The following REXO1 variants were observed in gnomAD, a reference collection of about 807,000 sequenced individuals.
The protein encoded by REXO1 is REX1, RNA exonuclease 1 homolog.
In REXO1, 42 loss-of-function variants were observed where a neutral mutation model predicts 102.6. That is an observed-to-expected ratio of 0.41 (90% confidence interval 0.32 to 0.53). The LOEUF is 0.53. Among genes scored for constraint, REXO1 ranks in the 20% least tolerant of loss-of-function variants. REXO1 has a pLI of 0.27. For missense variants in REXO1, 1,819 were observed against 1,732.5 expected, an observed-to-expected ratio of 1.05 and a Z score of -0.89; for synonymous variants, 908 against 779.1, an observed-to-expected ratio of 1.17 and a Z score of -2.76.
chr19:1,825,156 C>T (rs1474613305), intron 3 of REXO1, among the ~76,000 whole-genome samples: 3 of 150,254 alleles, frequency 2.0e-5, no homozygotes, highest in African/African-American at 7.3e-5. Context: ...AAAAATTAGC[C>T]TGGTGTGGTG....
Position 1,826,974 on chromosome 19 carries a change from C to T in REXO1, c.1815G>A (p.Glu605=). ...ADVDYSALEK[E]VDFDSDPMEE... ...CCATGGGGTCGGAGTCAAAGTCCAC[C>T]TCCTTCTCCAGGGCCGAGTAGTCCA... The change falls in exon 2 of 16, where the codon GAG becomes GAA. Residue 605 remains glutamate (E), a synonymous_variant. Coordinates refer to ENST00000170168, the MANE Select transcript of REXO1 (RefSeq NM_020695.4). The surrounding 1 kb of genome is among the most constrained non-coding windows in gnomAD (Gnocchi z 4.3). 1 of 1,567,308 alleles carries T rather than the reference C, an allele frequency of 6.4e-7. No homozygotes were observed. The highest frequency in any genetic ancestry group is 8.6e-7 in the Non-Finnish European group (1 of 1,157,016).
chr19:1,817,683 G>A lies in REXO1; in HGVS notation c.3090+24C>T, dbSNP rs775797127. 3.0e-5 allele frequency: 49 copies of A among 1,607,338 alleles called. No homozygotes were observed. The East Asian group carries it at 8.7e-4, about 29-fold the overall frequency. Reference sequence around the variant, plus strand: ...CAGAAGTCTGTTGAGAACAGGCAGAGGGGACTGGGACGCCAGGGCTCACCT... The same window carrying A: ...CAGAAGTCTGTTGAGAACAGGCAGAAGGGACTGGGACGCCAGGGCTCACCT... On this transcript the variant is annotated intron_variant, in intron 11 of 15. Transcript: ENST00000170168.
At chr19:1,832,052 G>A (rs544860969) in intron 1 of REXO1, among the ~76,000 whole-genome samples, 1 of 152,214 alleles carries the variant, frequency 6.6e-6, no homozygotes, top group East Asian at 1.9e-4. Flanking sequence ...CCCTGAGGGT[G>A]GGTGAACATC....
Position 1,827,901 on chromosome 19 carries a change from G to A in REXO1, c.888C>T (p.Val296=), listed in dbSNP as rs891341826. 1 of 1,613,762 alleles carries A rather than the reference G, an allele frequency of 6.2e-7. No individual in the cohort carries two copies. Among genetic ancestry groups the A allele is most frequent in the Non-Finnish European group, 8.5e-7 (1 of 1,179,888 alleles). ...FSDSEDEAAT[V]PGNEPTTAST... is the part of the protein sequence containing the mutation. Reference sequence around the variant, plus strand: ...TGGCCGTGGTGGGCTCGTTACCTGGGACCGTGGCGGCCTCATCTTCTGAGT... The same window carrying A: ...TGGCCGTGGTGGGCTCGTTACCTGGAACCGTGGCGGCCTCATCTTCTGAGT... The change falls in exon 2 of 16, where the codon GTC becomes GTT. Residue 296 remains valine (V), a synonymous_variant. Coordinates refer to ENST00000170168, the MANE Select transcript of REXO1 (RefSeq NM_020695.4).
chr19:1,835,492 G>A (rs1018228867), intron 1 of REXO1, among the ~76,000 whole-genome samples: 1 of 152,184 alleles, frequency 6.6e-6, no homozygotes, highest in Non-Finnish European at 1.5e-5. Context: ...AGGTTGCAGT[G>A]AGCCGAGAAC....
At position 1,827,518 on chromosome 19, in the gene REXO1, C is replaced by T. The variant is rs371331432; in HGVS notation, c.1271G>A (p.Arg424Gln). 5.1e-5 allele frequency: 81 copies of T among 1,583,010 alleles called. No individual in the cohort carries two copies. In the African/African-American group the frequency reaches 5.6e-4, roughly 11 times the overall value. The change falls in exon 2 of 16, where the codon CGG becomes CAG. Residue 424 changes from arginine to glutamine, a missense_variant. By Grantham distance (43) the Arg-to-Gln change is conservative. Transcript: ENST00000170168. ...CCCTTCCGGCCGCTCTGCCTTGCGC[C>T]GGGGGCTGCTGGCCTGCGGGCCCTT... The part of the protein sequence containing the change: ...DKKGPQASSP[R>Q]RKAERPEGTK...
intron 1 of REXO1, among the ~76,000 whole-genome samples, chr19:1,828,888 G>A (rs1401154316): frequency 2.6e-5 from 4 of 152,248 alleles, no homozygotes; most frequent in African/African-American, 7.2e-5. Flanking sequence ...CAGCTCCCTG[G>A]GTACTGGAGG....
chr19:1,823,543 C>A, intron 4 of REXO1, 29 bp downstream of exon 4: 1 of 1,279,336 alleles, frequency 7.8e-7, no homozygotes, highest in Non-Finnish European at 1.0e-6. Flanking sequence ...CACGGCCCCC[C>A]GGCACAGGCC....
At chr19:1,838,463 A>C (rs1358808814) in intron 1 of REXO1, among the ~76,000 whole-genome samples, 1 of 151,760 alleles carries the variant, frequency 6.6e-6, no homozygotes, top group African/African-American at 2.4e-5. Context: ...TACTTAAAAA[A>C]ATACAAAATT....
At chr19:1,819,278 G>T in intron 7 of REXO1, 147 bp from the exon 8 acceptor site, 1 of 622,722 alleles carries the variant, frequency 1.6e-6, no homozygotes, top group Non-Finnish European at 2.7e-6. Context: ...CCGGGTTCCA[G>T]CCTGACCCGA....
chr19:1,829,397 C>T (rs2069843387), intron 1 of REXO1, among the ~76,000 whole-genome samples: 1 of 151,938 alleles, frequency 6.6e-6, no homozygotes, highest in Non-Finnish European at 1.5e-5. Flanking sequence ...CGCCATCACA[C>T]CCAGCTAATT....
At chr19:1,837,557 C>G (rs1263548848) in intron 1 of REXO1, among the ~76,000 whole-genome samples, 1 of 152,216 alleles carries the variant, frequency 6.6e-6, no homozygotes, top group East Asian at 1.9e-4. Flanking sequence ...TTCCAATACC[C>G]TCTCTGAAAT....
rs974999797 is a variant in REXO1, at chr19:1,834,267, C to T, written c.158-5636G>A. Among the ~76,000 whole-genome samples, 6 of 152,124 alleles carry T rather than the reference C, an allele frequency of 3.9e-5. No homozygotes were observed. The East Asian group carries it at 9.6e-4, about 24-fold the overall frequency. On this transcript the variant is annotated intron_variant, in intron 1 of 15. Coordinates refer to ENST00000170168, the MANE Select transcript of REXO1 (RefSeq NM_020695.4). ...ACATTGTGGACTCTGAAAGGAGAGA[C>T]CATTTCCCCAAAAGGTGCTTTTGGA...
rs532747686 is a variant in REXO1, at chr19:1,815,597, C to T, written c.*469G>A. On this transcript the variant is annotated 3_prime_UTR_variant, in exon 16 of 16. Coordinates refer to ENST00000170168, the MANE Select transcript of REXO1 (RefSeq NM_020695.4). This position sits in a 1 kb window ranked among gnomAD's most constrained non-coding sequence, Gnocchi z 4.0. ...GAGGGAAGGCAGCAGGCCCGCTCTT[C>T]CCGGTGGGAAAGATGCTGTGCAAGT... 4.3e-4 allele frequency: 416 copies of T among 963,942 alleles called. 7 individuals are homozygous for T. The African/African-American group carries it at 6.4e-3, about 15-fold the overall frequency. 59.7% of individuals were successfully genotyped at this position (963,942 alleles called of 1,614,324 possible). A position where few individuals can be genotyped will look rare whatever the true frequency, so the allele number is the denominator to read the frequency against.
intron 1 of REXO1, among the ~76,000 whole-genome samples, chr19:1,841,062 A>T (rs1347588480): frequency 6.6e-6 from 1 of 152,132 alleles, no homozygotes; most frequent in Non-Finnish European, 1.5e-5. Flanking sequence ...TAAGGGAGGG[A>T]TCGCCCCGAA....
In REXO1 at chr19:1,827,830, T is replaced by C. The variant is rs201378736; in HGVS notation, c.959A>G (p.Gln320Arg). ...RADPEIKATGQPPSKEGLEAE... is the reference protein window; with the variant it reads ...RADPEIKATGRPPSKEGLEAE... ...CTCCAGGCCCTCTTTGGAGGGTGGCTGCCCGGTGGCCTTGATCTCAGGGTC... is the reference window on the plus strand; with the variant it reads ...CTCCAGGCCCTCTTTGGAGGGTGGCCGCCCGGTGGCCTTGATCTCAGGGTC... The change falls in exon 2 of 16, where the codon CAG (glutamine) becomes CGG (arginine). Residue 320 changes from glutamine to arginine, a missense_variant. By Grantham distance (43) the Gln-to-Arg change is conservative. Coordinates refer to ENST00000170168, the MANE Select transcript of REXO1 (RefSeq NM_020695.4). The C allele has an allele frequency of 1.6e-5, 25 of 1,611,038 alleles. No individual in the cohort carries two copies. The highest frequency in any genetic ancestry group is 2.0e-5 in the Non-Finnish European group (24 of 1,179,422).
At position 1,825,899 on chromosome 19, in the gene REXO1, C is replaced by G. The variant is rs368799886; in HGVS notation, c.1956G>C (p.Leu652=). The G allele has an allele frequency of 1.2e-6, 2 of 1,612,794 alleles. No homozygotes were observed. Among genetic ancestry groups the G allele is most frequent in the African/African-American group, 2.7e-5 (2 of 74,504 alleles). ...TCTTCTGCCCGGGGAACAGAGTGGT[C>G]AGACCCGAAAGCCCCTTCTCCTCAC... is the stretch of plus-strand genomic sequence containing the variant. The part of the protein sequence containing the change: ...EKSEEKGLSG[L]TTLFPGQKRR... The change falls in exon 3 of 16, where the codon CTG becomes CTC. Residue 652 remains leucine (L), a synonymous_variant. Coordinates refer to ENST00000170168, the MANE Select transcript of REXO1 (RefSeq NM_020695.4).
At chr19:1,839,549 G>C (rs1456879652) in intron 1 of REXO1, among the ~76,000 whole-genome samples, 2 of 152,242 alleles carry the variant, frequency 1.3e-5, no homozygotes, top group Non-Finnish European at 2.9e-5. Context: ...AGCACAAGCT[G>C]TTTTTGTTAC....
chr19:1,819,593 G>T (rs536825652), intron 7 of REXO1, among the ~76,000 whole-genome samples: 2 of 152,316 alleles, frequency 1.3e-5, no homozygotes, highest in South Asian at 4.1e-4. Context: ...CCAGGTCTCC[G>T]CTTTCTTCCT....
Sources: gnomAD v4.1 joint callset for allele counts (sites outside exome capture counted in the v4.1 genomes callset) on GRCh38, gnomAD v4.1.1 for gene constraint, Gnocchi (gnomAD v3.1) non-coding constraint, MANE v1.5 for transcripts, NCBI Gene and HGNC (gene_info 2026-07-23, HGNC 2026-07-21) for gene names.